Variants in MYO16 observed in about 807,000 individuals in gnomAD.
MYO16 encodes the protein unconventional myosin-XVI.
Under a neutral mutation model 205.3 loss-of-function variants are expected in MYO16, and 94 were observed. The ratio of observed to expected loss-of-function variants is 0.46; its 90% CI spans 0.39 to 0.54. MYO16 has a LOEUF of 0.54. MYO16 is among the 20% of genes least tolerant of loss of function. The pLI, the probability that MYO16 is intolerant of heterozygous loss-of-function variation, is 0.00. For missense variants in MYO16, 2,315 were observed against 2,387.5 expected (o/e 0.97, Z 0.63); for synonymous variants, 988 against 954.0 (o/e 1.04, Z -0.66).
chr13:108,666,156 G>A lies in MYO16; in HGVS notation c.292+7G>A, dbSNP rs766182893. 4 of 1,582,922 alleles carry A rather than the reference G, an allele frequency of 2.5e-6. No homozygotes were observed. The highest frequency in any genetic ancestry group is 3.5e-6 in the Non-Finnish European group (4 of 1,157,416). On this transcript the variant is annotated splice_region_variant and intron_variant, in intron 2 of 34. Transcript: ENST00000457511. Reference sequence around the variant, plus strand: ...CACCACAATGACAAAGAAGGTACATGATAAGAAAGAAGGACCCGTTTTCTG... The same window carrying A: ...CACCACAATGACAAAGAAGGTACATAATAAGAAAGAAGGACCCGTTTTCTG...
Position 108,883,069 on chromosome 13 carries a change from T to C in MYO16, c.1436T>C (p.Leu479Pro), listed in dbSNP as rs1879695185. The change falls in exon 13 of 35, where the codon CTG becomes CCG. Residue 479 changes from leucine to proline, a missense_variant. By Grantham distance (98) the Leu-to-Pro change is moderately conservative (BLOSUM62 -3). Transcript: ENST00000457511. ...TGCCCTGTTTTCCAGGTGTCCCAGC[T>C]GTATTTCAGCTCCTCAGGGAAGCTG... ...LPIYSSMVSQ[L>P]YFSSSGKLCS... 1 of 1,613,958 alleles carries C rather than the reference T, an allele frequency of 6.2e-7. No individual in the cohort carries two copies. Among genetic ancestry groups the C allele is most frequent in the Non-Finnish European group, 8.5e-7 (1 of 1,179,882 alleles).
chr13:109,025,127 C>T (rs907772720), intron 23 of MYO16, among the ~76,000 whole-genome samples: 6 of 152,208 alleles, frequency 3.9e-5, no homozygotes, highest in African/African-American at 1.4e-4. Flanking sequence ...GAATGTATCT[C>T]CTTCATCACC....
chr13:109,040,544 C>T (rs1299441791), intron 23 of MYO16, among the ~76,000 whole-genome samples: 1 of 151,950 alleles, frequency 6.6e-6, no homozygotes, highest in Non-Finnish European at 1.5e-5. Flanking sequence ...TGGGGATGCA[C>T]AGCTGATTCA....
intron 16 of MYO16, among the ~76,000 whole-genome samples, chr13:108,928,570 G>A (rs1882112702): frequency 6.6e-6 from 1 of 152,164 alleles, no homozygotes; most frequent in Non-Finnish European, 1.5e-5. Context: ...TACACATAAA[G>A]AAGTAAATAT....
the MYO16 span, among the ~76,000 whole-genome samples, chr13:108,574,978 CACAT>C: frequency 2.0e-5 from 3 of 151,800 alleles, no homozygotes; most frequent in Non-Finnish European, 4.4e-5. Flanking sequence ...AAGGTGTACT[CACAT>C]ACTCCAGTGT....
the MYO16 span, among the ~76,000 whole-genome samples, chr13:108,566,271 G>T: frequency 1.3e-5 from 2 of 151,954 alleles, no homozygotes; most frequent in African/African-American, 2.4e-5. Flanking sequence ...TATGTATTTA[G>T]AAATTTATTT....
chr13:108,971,779 C>A (rs947284689), intron 20 of MYO16, among the ~76,000 whole-genome samples: 1 of 151,836 alleles, frequency 6.6e-6, no homozygotes, highest in Non-Finnish European at 1.5e-5. Flanking sequence ...GTTATCCAAG[C>A]CTGTTTCTTT....
At chr13:108,594,294 C>G (rs1878479003), upstream of MYO16, among the ~76,000 whole-genome samples, 1 of 152,182 alleles carries the variant, frequency 6.6e-6, no homozygotes, top group African/African-American at 2.4e-5. Context: ...TCCTGTAAGT[C>G]CCTCTTGCTG....
chr13:109,196,431 C>G (rs1160365638), intron 34 of MYO16, among the ~76,000 whole-genome samples: 1 of 152,138 alleles, frequency 6.6e-6, no homozygotes, highest in Non-Finnish European at 1.5e-5. Context: ...TATCCCAACC[C>G]ATAGGGAAAT....
At chr13:109,071,395 A>C (rs1052493798) in intron 27 of MYO16, among the ~76,000 whole-genome samples, 1 of 152,178 alleles carries the variant, frequency 6.6e-6, no homozygotes, top group Non-Finnish European at 1.5e-5. Flanking sequence ...GAAAATTAGC[A>C]GTGCGTATAG....
intron 10 of MYO16, among the ~76,000 whole-genome samples, chr13:108,853,978 G>GTGTGTGTGTC (rs1878036196): frequency 1.4e-5 from 2 of 140,398 alleles, no homozygotes; most frequent in Admixed American, 1.4e-4. Context: ...GTGTGTGTGT[G>GTGTGTGTGTC]TGTGTGTGTA....
intron 9 of MYO16, among the ~76,000 whole-genome samples, chr13:108,829,168 G>A (rs1040690754): frequency 1.3e-5 from 2 of 152,136 alleles, no homozygotes; most frequent in African/African-American, 2.4e-5. Context: ...TCTAACCCTT[G>A]GCGGTTAGCA....
At chr13:109,147,188 G>A (rs936630559) in intron 32 of MYO16, among the ~76,000 whole-genome samples, 1 of 151,056 alleles carries the variant, frequency 6.6e-6, no homozygotes, top group Non-Finnish European at 1.5e-5. Flanking sequence ...AAAAAAAAAA[G>A]ATTCTAAATA....
chr13:108,752,724 C>T (rs1224414190), intron 4 of MYO16, among the ~76,000 whole-genome samples: 1 of 150,332 alleles, frequency 6.7e-6, no homozygotes, highest in Non-Finnish European at 1.5e-5. Context: ...TCACTGCAAC[C>T]TCTGCCGCCG....
intron 20 of MYO16, among the ~76,000 whole-genome samples, chr13:108,974,591 G>A (rs1357006091): frequency 2.0e-5 from 3 of 152,102 alleles, no homozygotes; most frequent in African/African-American, 7.2e-5. Flanking sequence ...TTAAGGCTAA[G>A]TCTTTTGTAT....
chr13:108,608,679 G>A (rs1327497416), intron 1 of MYO16, among the ~76,000 whole-genome samples: 1 of 151,648 alleles, frequency 6.6e-6, no homozygotes, highest in African/African-American at 2.4e-5. Context: ...GTCCTGCTCT[G>A]TCACCCAGGC....
At chr13:108,644,379 T>G (rs1426716190) in intron 1 of MYO16, among the ~76,000 whole-genome samples, 1 of 148,514 alleles carries the variant, frequency 6.7e-6, no homozygotes, top group African/African-American at 2.5e-5. Flanking sequence ...TATCTATCTA[T>G]CTATCTATCT....
At chr13:109,054,007 C>T (rs1356982630) in intron 25 of MYO16, among the ~76,000 whole-genome samples, 1 of 152,098 alleles carries the variant, frequency 6.6e-6, no homozygotes, top group Non-Finnish European at 1.5e-5. Context: ...AGATTTCCTT[C>T]TTGTATCAAG....
At chr13:109,159,109 T>A (rs947543585) in intron 32 of MYO16, among the ~76,000 whole-genome samples, 3 of 152,226 alleles carry the variant, frequency 2.0e-5, no homozygotes, top group Non-Finnish European at 4.4e-5. Context: ...TCTCAAACCA[T>A]GGGTCAGGAA....
Sources: allele counts gnomAD v4.1 joint callset (sites outside exome capture counted in the v4.1 genomes callset), GRCh38; gene constraint gnomAD v4.1.1; transcripts MANE v1.5; gene names NCBI Gene and HGNC (gene_info 2026-07-23, HGNC 2026-07-21).